CNTN4: variants seen among roughly 807,000 people sequenced by gnomAD.
CNTN4 encodes contactin-4.
A neutral mutation model predicts 122.5 loss-of-function variants in CNTN4; 77 were observed. That is an observed-to-expected ratio of 0.63 (90% CI 0.52 to 0.76). The LOEUF (loss-of-function observed/expected upper bound fraction) is 0.76, where lower values mean the gene tolerates loss of function less well. Among genes scored for constraint, CNTN4 ranks in the 30% least tolerant of loss-of-function variants. CNTN4 has a pLI of 0.00. For missense variants in CNTN4, 1,256 were observed against 1,259.1 expected (o/e 1.00, Z 0.04); for synonymous variants, 512 against 447.0 (o/e 1.15, Z -1.83).
At chr3:2,674,473 G>T (rs979731167) in intron 4 of CNTN4, among the ~76,000 whole-genome samples, 1 of 152,086 alleles carries the variant, frequency 6.6e-6, no homozygotes, top group Non-Finnish European at 1.5e-5. Flanking sequence ...ATTGTTAACT[G>T]TGTCCAGGCA....
intron 18 of CNTN4, among the ~76,000 whole-genome samples, chr3:3,038,341 C>T (rs1446210336): frequency 6.6e-6 from 1 of 152,070 alleles, no homozygotes; most frequent in South Asian, 2.1e-4. Flanking sequence ...CTCAGTGAGC[C>T]GGGGGTCAAC....
At chr3:2,854,817 A>T (rs2093601023) in intron 7 of CNTN4, among the ~76,000 whole-genome samples, 1 of 152,170 alleles carries the variant, frequency 6.6e-6, no homozygotes, top group African/African-American at 2.4e-5. Flanking sequence ...AGTTAAACTG[A>T]CATTTTCCAC....
intron 4 of CNTN4, among the ~76,000 whole-genome samples, chr3:2,673,075 G>A (rs10510237): frequency 0.15 from 22,625 of 152,076 alleles, 2,101 homozygotes; most frequent in African/African-American, 0.26. Flanking sequence ...GCAAAGATTT[G>A]TTTTTCTCTC....
chr3:2,203,113 C>T (rs58425117), intron 2 of CNTN4, among the ~76,000 whole-genome samples: 11,524 of 151,928 alleles, frequency 0.076, 693 homozygotes, highest in East Asian at 0.35. Context: ...GGATTACAGG[C>T]GTGAGTCTCT....
intron 3 of CNTN4, among the ~76,000 whole-genome samples, chr3:2,492,792 C>T (rs1384213351): frequency 3.3e-5 from 5 of 152,074 alleles, no homozygotes; most frequent in African/African-American, 7.2e-5. Flanking sequence ...TTGTTGATAT[C>T]GTTTAGGAAG....
intron 3 of CNTN4, among the ~76,000 whole-genome samples, chr3:2,451,023 G>GC (rs1429010734): frequency 6.6e-6 from 1 of 152,134 alleles, no homozygotes; most frequent in Non-Finnish European, 1.5e-5. Flanking sequence ...TATTAACTTT[G>GC]CCCCCTGAGG....
In CNTN4 at chr3:2,682,153, C is replaced by T. The variant is rs1353374761; in HGVS notation, c.56-54062C>T. Among the ~76,000 whole-genome samples, 3 of 152,274 alleles carry T rather than the reference C, an allele frequency of 2.0e-5. No individual in the cohort carries two copies. In the East Asian group the frequency reaches 5.8e-4, roughly 29 times the overall value. On this transcript the variant is annotated intron_variant, in intron 4 of 24. Coordinates refer to ENST00000418658, the MANE Select transcript of CNTN4 (RefSeq NM_175607.3). ...AAGTACAAGTTAAAGAACATGAGTA[C>T]CTGTTGTCTACAGATACTGAGAATT...
chr3:2,548,398 G>A (rs1052089444), intron 3 of CNTN4, among the ~76,000 whole-genome samples: 2 of 152,254 alleles, frequency 1.3e-5, no homozygotes, highest in Non-Finnish European at 2.9e-5. Context: ...CATATGGCTA[G>A]CCAGTTTTCC....
chr3:2,442,749 A>G (rs188343429), intron 3 of CNTN4, among the ~76,000 whole-genome samples: 276 of 152,296 alleles, frequency 1.8e-3, no homozygotes, highest in African/African-American at 6.4e-3. Context: ...CACTAGTACT[A>G]TTTCTTTGAC....
At chr3:2,743,094 T>C (rs1217992340) in intron 5 of CNTN4, among the ~76,000 whole-genome samples, 1 of 152,220 alleles carries the variant, frequency 6.6e-6, no homozygotes, top group Non-Finnish European at 1.5e-5. Flanking sequence ...GCTCTCATTA[T>C]GCCCACAACC....
chr3:2,771,771 G>A (rs1008715438), intron 6 of CNTN4, among the ~76,000 whole-genome samples: 2 of 152,164 alleles, frequency 1.3e-5, no homozygotes, highest in African/African-American at 4.8e-5. Context: ...AGGATATTAT[G>A]TGGTAAATGA....
intron 2 of CNTN4, among the ~76,000 whole-genome samples, chr3:2,295,826 C>A (rs1197561689): frequency 6.6e-6 from 1 of 152,106 alleles, no homozygotes; most frequent in Non-Finnish European, 1.5e-5. Flanking sequence ...ACATGTGAGT[C>A]TTTAATCCAT....
At chr3:2,244,649 A>T (rs1390045940) in intron 2 of CNTN4, among the ~76,000 whole-genome samples, 1 of 152,032 alleles carries the variant, frequency 6.6e-6, no homozygotes, top group East Asian at 1.9e-4. Context: ...TTCAAACTGC[A>T]TATGTGTCTT....
chr3:2,585,578 C>G lies in CNTN4; in HGVS notation c.55+14020C>G, dbSNP rs551218720. ...GCTGGAAACCATCATTCTGAGCAAACTATCGCATGGACAAAAAACCAAACA... is the reference window on the plus strand; with the variant it reads ...GCTGGAAACCATCATTCTGAGCAAAGTATCGCATGGACAAAAAACCAAACA... On this transcript the variant is annotated intron_variant, in intron 4 of 24. Coordinates refer to ENST00000418658, the MANE Select transcript of CNTN4 (RefSeq NM_175607.3). Among the ~76,000 whole-genome samples, 35 of 151,592 alleles carry G rather than the reference C, an allele frequency of 2.3e-4. 1 individual carries two copies. Among genetic ancestry groups the G allele is most frequent in the Middle Eastern group, 3.4e-3 (1 of 294 alleles).
chr3:2,328,047 A>G (rs987071988), intron 2 of CNTN4, among the ~76,000 whole-genome samples: 1 of 152,198 alleles, frequency 6.6e-6, no homozygotes, highest in African/African-American at 2.4e-5. Flanking sequence ...AGAATTTGCT[A>G]AGTTCTTCCT....
intron 4 of CNTN4, among the ~76,000 whole-genome samples, chr3:2,731,204 T>C (rs1433286997): frequency 6.6e-6 from 1 of 152,194 alleles, no homozygotes; most frequent in Admixed American, 6.5e-5. Context: ...GGGACCCTTG[T>C]TTCTGGTCAT....
At chr3:2,671,357 T>C (rs1198911023) in intron 4 of CNTN4, among the ~76,000 whole-genome samples, 1 of 152,206 alleles carries the variant, frequency 6.6e-6, no homozygotes, top group Non-Finnish European at 1.5e-5. Flanking sequence ...CCATCACTGA[T>C]ACCCTTTCTT....
rs775650663 is a variant in CNTN4 at position 3,028,641 on chromosome 3, C to T, written c.1663-2214C>T. 3.9e-5 allele frequency among the ~76,000 whole-genome samples: 6 copies of T among 152,140 alleles called. No homozygotes were observed. The South Asian group carries it at 6.2e-4, about 16-fold the overall frequency. ...AATGTGGCTTCCCACCTTCCCTGCA[C>T]GCATCCCCTGGGGCATATTTTTTAT... On this transcript the variant is annotated intron_variant, in intron 15 of 24. Coordinates refer to ENST00000418658, the MANE Select transcript of CNTN4 (RefSeq NM_175607.3).
At chr3:2,479,564 AC>A (rs1434347359) in intron 3 of CNTN4, among the ~76,000 whole-genome samples, 1 of 152,220 alleles carries the variant, frequency 6.6e-6, no homozygotes, top group African/African-American at 2.4e-5. Context: ...AATGAAACTT[AC>A]GCGATGCCCG....
Sources: gnomAD v4.1 joint callset for allele counts (sites outside exome capture counted in the v4.1 genomes callset) on GRCh38, gnomAD v4.1.1 for gene constraint, MANE v1.5 for transcripts, NCBI Gene and HGNC (gene_info 2026-07-23, HGNC 2026-07-21) for gene names.